CDH13: variants seen among roughly 807,000 people sequenced by gnomAD.
CDH13 encodes the protein cadherin-13.
A neutral mutation model predicts 63.8 loss-of-function variants in CDH13; 24 were observed. That is an observed-to-expected ratio of 0.38 (90% CI 0.27 to 0.53). The LOEUF (loss-of-function observed/expected upper bound fraction) is 0.53. Ranked by LOEUF, CDH13 falls within the 20% of genes least tolerant of loss-of-function variation. The pLI, the probability that CDH13 is intolerant of heterozygous loss-of-function variation, is 0.85. For missense variants in CDH13, 1,049 were observed against 903.1 expected (o/e 1.16, Z -2.07); for synonymous variants, 503 against 355.3 (o/e 1.42, Z -4.67).
intron 10 of CDH13, 54 bp from the exon 11 acceptor site, chr16:83,748,054 G>A: frequency 2.5e-6 from 4 of 1,603,482 alleles, no homozygotes; most frequent in Non-Finnish European, 3.4e-6. Context: ...CTCTGTAAAT[G>A]TTTCTTGAAT....
At chr16:83,293,361 G>A (rs1220428279) in intron 5 of CDH13, among the ~76,000 whole-genome samples, 1 of 152,100 alleles carries the variant, frequency 6.6e-6, no homozygotes, top group South Asian at 2.1e-4. Context: ...GCTCTAATTT[G>A]GGAGATACAA....
intron 11 of CDH13, among the ~76,000 whole-genome samples, chr16:83,756,409 G>C (rs573151747): frequency 4.4e-4 from 67 of 152,328 alleles, no homozygotes; most frequent in African/African-American, 1.6e-3. Context: ...TGATAGTACA[G>C]TCTCTCCTAA....
intron 5 of CDH13, among the ~76,000 whole-genome samples, chr16:83,246,076 C>T (rs1180210736): frequency 2.6e-5 from 4 of 152,126 alleles, no homozygotes; most frequent in Admixed American, 2.6e-4. Flanking sequence ...GTCTTTTGTC[C>T]CAACCAGAAT....
chr16:83,483,351 G>T (rs1400148615), intron 6 of CDH13, among the ~76,000 whole-genome samples: 1 of 152,084 alleles, frequency 6.6e-6, no homozygotes, highest in Non-Finnish European at 1.5e-5. Flanking sequence ...TTCTGTGTAT[G>T]CTTGGGAATA....
intron 1 of CDH13, among the ~76,000 whole-genome samples, chr16:82,798,063 T>C (rs767677834): frequency 1.3e-5 from 2 of 152,290 alleles, no homozygotes; most frequent in Non-Finnish European, 1.5e-5. Flanking sequence ...GTGAGAAAAC[T>C]TTGATGACTA....
At chr16:83,088,154 G>A (rs542030695) in intron 3 of CDH13, among the ~76,000 whole-genome samples, 1 of 152,156 alleles carries the variant, frequency 6.6e-6, no homozygotes, top group Non-Finnish European at 1.5e-5. Context: ...TCACCTTTTG[G>A]CTCACGACAA....
intron 1 of CDH13, among the ~76,000 whole-genome samples, chr16:82,806,491 TTTTTGTTTTG>T (rs551257515): frequency 1.3e-5 from 2 of 152,216 alleles, no homozygotes; most frequent in Admixed American, 6.5e-5. Flanking sequence ...AGCTCTCTGT[TTTTTGTTTTG>T]TTTTGTTTTG....
chr16:82,787,841 A>AGTGTGTGTGT (rs10528183), intron 1 of CDH13, among the ~76,000 whole-genome samples: 7 of 146,772 alleles, frequency 4.8e-5, no homozygotes, highest in African/African-American at 1.5e-4. Context: ...GAAGGGAGGA[A>AGTGTGTGTGT]GTGTGTGTGT....
chr16:83,498,713 T>C (rs901313905), intron 7 of CDH13, among the ~76,000 whole-genome samples: 1 of 152,212 alleles, frequency 6.6e-6, no homozygotes, highest in Non-Finnish European at 1.5e-5. Flanking sequence ...ATCAATATTA[T>C]TGATATTTAT....
intron 10 of CDH13, chr16:83,728,773 T>G (rs1308505957): frequency 2.6e-5 from 4 of 152,290 alleles, no homozygotes; most frequent in South Asian, 4.1e-4. Context: ...AACTGTGTGG[T>G]TCAACCTAAT....
At chr16:83,167,032 A>G (rs1006780869) in intron 4 of CDH13, among the ~76,000 whole-genome samples, 1 of 152,154 alleles carries the variant, frequency 6.6e-6, no homozygotes, top group Non-Finnish European at 1.5e-5. Flanking sequence ...TGCAAGTTAC[A>G]TGAAAATAAA....
At chr16:83,414,349 A>C (rs751126063) in intron 6 of CDH13, among the ~76,000 whole-genome samples, 13 of 152,218 alleles carry the variant, frequency 8.5e-5, no homozygotes, top group Non-Finnish European at 1.6e-4. Context: ...TCACAGGGTG[A>C]TGCAACCACC....
At chr16:82,990,421 T>TGGGCTGG (rs1911517934) in intron 2 of CDH13, 1 of 152,194 alleles carries the variant, frequency 6.6e-6, no homozygotes, top group Admixed American at 6.5e-5. Context: ...CATCTTGTGA[T>TGGGCTGG]GGGCTGGGAC....
rs533844173 is a variant in CDH13 at position 83,026,351 on chromosome 16, A to T, written c.158-5659A>T. Among the ~76,000 whole-genome samples the T allele has an allele frequency of 1.6e-3, 244 of 152,330 alleles. 1 individual carries two copies. Among genetic ancestry groups the T allele is most frequent in the African/African-American group, 5.6e-3 (232 of 41,582 alleles). On this transcript the variant is annotated intron_variant, in intron 2 of 13. Coordinates refer to ENST00000567109, the MANE Select transcript of CDH13 (RefSeq NM_001257.5). Reference sequence around the variant, plus strand: ...GTTCTCGCTCTAGGCCTTTCTGGATATGGGACCACGAGCTAGTCAGTCAAT... The same window carrying T: ...GTTCTCGCTCTAGGCCTTTCTGGATTTGGGACCACGAGCTAGTCAGTCAAT...
chr16:83,620,389 C>CAAAAAA, intron 8 of CDH13, among the ~76,000 whole-genome samples: 1 of 97,360 alleles, frequency 1.0e-5, no homozygotes, highest in Non-Finnish European at 2.0e-5. Context: ...GACTCCGTCT[C>CAAAAAA]AAAAAAAAAA....
At chr16:83,228,134 A>G (rs923682842) in intron 5 of CDH13, among the ~76,000 whole-genome samples, 4 of 152,166 alleles carry the variant, frequency 2.6e-5, no homozygotes, top group Non-Finnish European at 4.4e-5. Flanking sequence ...CTTATCTCTC[A>G]TGTACCCCTG....
chr16:83,532,121 A>C (rs1481385112), intron 7 of CDH13, among the ~76,000 whole-genome samples: 1 of 152,134 alleles, frequency 6.6e-6, no homozygotes, highest in Non-Finnish European at 1.5e-5. Context: ...GTCTGCTGCC[A>C]TGTGAGATGT....
chr16:83,753,730 T>G (rs1200004866), intron 11 of CDH13, among the ~76,000 whole-genome samples: 3 of 152,078 alleles, frequency 2.0e-5, no homozygotes, highest in African/African-American at 7.2e-5. Context: ...ACTCAGGAAT[T>G]TATGCCAAAA....
chr16:82,799,431 G>A (rs755036341), intron 1 of CDH13, among the ~76,000 whole-genome samples: 12 of 152,162 alleles, frequency 7.9e-5, no homozygotes, highest in Non-Finnish European at 1.8e-4. Flanking sequence ...CTAATTTCTA[G>A]ACATACTCAG....
Sources: gnomAD v4.1 joint callset for allele counts (sites outside exome capture counted in the v4.1 genomes callset) on GRCh38, gnomAD v4.1.1 for gene constraint, MANE v1.5 for transcripts, NCBI Gene and HGNC (gene_info 2026-07-23, HGNC 2026-07-21) for gene names.